RNASEH2B: variants seen among roughly 807,000 people sequenced by gnomAD.
RNASEH2B encodes the protein Aicardi-Goutieres syndrome 2 protein.
Under a neutral mutation model 45.0 loss-of-function variants are expected in RNASEH2B, and 36 were observed. The ratio of observed to expected loss-of-function variants is 0.80; its 90% confidence interval spans 0.61 to 1.06. The LOEUF is 1.06. Ranked by LOEUF, RNASEH2B falls within the 50% of genes least tolerant of loss-of-function variation. RNASEH2B has a pLI of 0.00. For missense variants in RNASEH2B, 361 were observed against 360.3 expected, an observed-to-expected ratio of 1.00 and a Z score of -0.02; for synonymous variants, 119 against 125.7, an observed-to-expected ratio of 0.95 and a Z score of 0.35.
chr13:50,964,796 A>G (rs555450697), intron 9 of RNASEH2B, among the ~76,000 whole-genome samples: 4 of 152,304 alleles, frequency 2.6e-5, no homozygotes, highest in African/African-American at 9.6e-5. Context: ...TGAATATGCC[A>G]AGCTGTTTCC....
intron 9 of RNASEH2B, chr13:50,950,865 C>T (rs1951967458): frequency 6.6e-6 from 1 of 152,180 alleles, no homozygotes; most frequent in African/African-American, 2.4e-5. Flanking sequence ...TTGTTTGTGA[C>T]TTCATCATTT....
downstream of RNASEH2B, among the ~76,000 whole-genome samples, chr13:50,960,434 T>G (rs1952100318): frequency 6.6e-6 from 1 of 152,198 alleles, no homozygotes. Flanking sequence ...ATTTTATTGA[T>G]GTGCTTTACC....
At chr13:50,949,074 A>G (rs1459544607) in intron 8 of RNASEH2B, 1 of 176,124 alleles carries the variant, frequency 5.7e-6, no homozygotes, top group African/African-American at 2.4e-5. Context: ...AATGGAAGAA[A>G]AGTTGAAATT....
chr13:50,970,155 C>A, exon 10 of RNASEH2B: 1 of 659,890 alleles, frequency 1.5e-6, no homozygotes, highest in Non-Finnish European at 2.7e-6. Flanking sequence ...GGCATTCCTC[C>A]CTGGAGCACT....
downstream of RNASEH2B, among the ~76,000 whole-genome samples, chr13:50,957,990 T>G: frequency 6.6e-6 from 1 of 152,200 alleles, no homozygotes; most frequent in East Asian, 1.9e-4. Flanking sequence ...TCCTTATAGA[T>G]TCTGGATGTT....
chr13:50,939,629 G>A (rs1387826245), intron 5 of RNASEH2B, among the ~76,000 whole-genome samples: 1 of 151,958 alleles, frequency 6.6e-6, no homozygotes, highest in African/African-American at 2.4e-5. Flanking sequence ...ACACTTATAT[G>A]GTCAATTGAT....
At position 50,917,968 on chromosome 13, in the gene RNASEH2B, T is replaced by G. The variant is rs545209975; in HGVS notation, c.64+7828T>G. ...CATCCATGCTCCATCTCAGTATGTT[T>G]GCTGGTCTTTGTGGCTCTGAGTTGG... On this transcript the variant is annotated intron_variant, in intron 1 of 10. Transcript: ENST00000336617. Among the ~76,000 whole-genome samples the G allele has an allele frequency of 5.9e-5, 9 of 152,292 alleles. No homozygotes were observed. In the South Asian group the frequency reaches 1.9e-3, roughly 32 times the overall value.
intron 5 of RNASEH2B, 61 bp downstream of exon 5, chr13:50,935,060 G>A (rs780685003): frequency 1.2e-5 from 12 of 1,040,676 alleles, no homozygotes; most frequent in African/African-American, 3.1e-5. Flanking sequence ...TAAGAACGTG[G>A]CTGCTTACAG....
downstream of RNASEH2B, among the ~76,000 whole-genome samples, chr13:50,958,994 A>G (rs1213323249): frequency 6.6e-6 from 1 of 152,166 alleles, no homozygotes; most frequent in Admixed American, 6.5e-5. Context: ...GTGGGTGTGA[A>G]AGCTTAATGC....
At chr13:50,961,571 C>T (rs1952111486), downstream of RNASEH2B, among the ~76,000 whole-genome samples, 1 of 152,114 alleles carries the variant, frequency 6.6e-6, no homozygotes, top group Non-Finnish European at 1.5e-5. Flanking sequence ...GTTTCAGCCT[C>T]TTGTCCTGTG....
intron 6 of RNASEH2B, among the ~76,000 whole-genome samples, chr13:50,943,784 A>T (rs1338532898): frequency 6.6e-6 from 1 of 152,194 alleles, no homozygotes; most frequent in Non-Finnish European, 1.5e-5. Flanking sequence ...CCAGGGACAC[A>T]GCCAGGCAAA....
intron 9 of RNASEH2B, among the ~76,000 whole-genome samples, chr13:50,969,103 C>T (rs957125649): frequency 6.6e-6 from 1 of 152,138 alleles, no homozygotes; most frequent in Non-Finnish European, 1.5e-5. Flanking sequence ...AGAGGAAATG[C>T]GGATATCAAC....
downstream of RNASEH2B, chr13:50,956,796 G>A: frequency 1.0e-6 from 1 of 987,344 alleles, no homozygotes; most frequent in Non-Finnish European, 1.2e-6. Context: ...ATGCAACTTT[G>A]CATTCAGTAG....
intron 1 of RNASEH2B, among the ~76,000 whole-genome samples, chr13:50,925,820 G>A (rs1479164164): frequency 4.6e-5 from 7 of 152,216 alleles, no homozygotes; most frequent in South Asian, 2.1e-4. Flanking sequence ...CTCCTTTCCT[G>A]TGTGCTGACC....
At chr13:50,967,987 C>T (rs976229456) in intron 9 of RNASEH2B, among the ~76,000 whole-genome samples, 1 of 152,176 alleles carries the variant, frequency 6.6e-6, no homozygotes, top group Non-Finnish European at 1.5e-5. Context: ...TTGATTTTTA[C>T]ACCTTGGTAT....
intron 3 of RNASEH2B, 47 bp downstream of exon 3, chr13:50,929,629 G>C (rs1469345933): frequency 1.7e-6 from 2 of 1,211,018 alleles, no homozygotes; most frequent in Non-Finnish European, 2.4e-6. Flanking sequence ...ACATACTCCA[G>C]CTTTTCCATT....
At chr13:50,928,932 C>CTTTTTTT (rs35147830) in intron 2 of RNASEH2B, among the ~76,000 whole-genome samples, 6 of 87,874 alleles carry the variant, frequency 6.8e-5, no homozygotes, top group Non-Finnish European at 1.1e-4. Context: ...TGCCTCCTCC[C>CTTTTTTT]TTTTTTTTTT....
In RNASEH2B at chr13:50,929,471, A is replaced by G; in HGVS notation, c.137-4A>G. The G allele has an allele frequency of 6.2e-7, 1 of 1,600,956 alleles. No individual in the cohort carries two copies. The highest frequency in any genetic ancestry group is 8.6e-7 in the Non-Finnish European group (1 of 1,168,198). Reference sequence around the variant, plus strand: ...ACAAATAAAAGACAGATTTGTCTTAACAGGAGAAGGAGCCATTTACTTGTT... The same window carrying G: ...ACAAATAAAAGACAGATTTGTCTTAGCAGGAGAAGGAGCCATTTACTTGTT... On this transcript the variant is annotated splice_region_variant and splice_polypyrimidine_tract_variant and intron_variant, in intron 2 of 10. Transcript: ENST00000336617.
At chr13:50,953,676 C>T in intron 9 of RNASEH2B, 2 of 578,450 alleles carry the variant, frequency 3.5e-6, no homozygotes, top group Non-Finnish European at 6.2e-6. Context: ...ATGTACTTAC[C>T]CAATCATATC....
Sources: allele counts gnomAD v4.1 joint callset (sites outside exome capture counted in the v4.1 genomes callset), GRCh38; gene constraint gnomAD v4.1.1; transcripts MANE v1.5; gene names NCBI Gene and HGNC (gene_info 2026-07-23, HGNC 2026-07-21).